Variants in DMC1 observed in about 807,000 individuals in gnomAD.
The protein encoded by DMC1 is meiotic recombination protein DMC1 homolog.
DMC1 carries 27 observed loss-of-function variants against 50.1 expected under a neutral mutation model. The observed-to-expected ratio is 0.54, with a 90% CI of 0.40 to 0.74. The LOEUF is 0.74. Among genes scored for constraint, DMC1 ranks in the 30% least tolerant of loss-of-function variants. DMC1 has a pLI of 0.00. For missense variants in DMC1, 295 were observed against 420.2 expected (o/e 0.70, Z 2.60); for synonymous variants, 148 against 136.1 (o/e 1.09, Z -0.61).
chr22:38,545,434 T>G (rs556762319), intron 8 of DMC1, among the ~76,000 whole-genome samples: 3 of 152,232 alleles, frequency 2.0e-5, no homozygotes, highest in African/African-American at 7.2e-5. Context: ...AACAATTTTT[T>G]TTTTTTGAGA....
intron 12 of DMC1, among the ~76,000 whole-genome samples, chr22:38,535,980 G>A (rs554040790): frequency 6.6e-6 from 1 of 151,642 alleles, no homozygotes; most frequent in Non-Finnish European, 1.5e-5. Flanking sequence ...TAGCACTTTG[G>A]GATGCTGAGG....
intron 8 of DMC1, 73 bp from the exon 9 acceptor site, chr22:38,539,485 T>C (rs553907525): frequency 3.5e-6 from 4 of 1,140,590 alleles, no homozygotes; most frequent in African/African-American, 1.5e-5. Context: ...CAAAACATAA[T>C]ATCTTCCGTA....
chr22:38,532,984 T>C (rs1453291619), intron 12 of DMC1, among the ~76,000 whole-genome samples: 1 of 152,180 alleles, frequency 6.6e-6, no homozygotes, highest in Non-Finnish European at 1.5e-5. Flanking sequence ...TCAATAAATA[T>C]TCATTGAGTG....
chr22:38,533,794 A>T (rs957710329), intron 12 of DMC1, among the ~76,000 whole-genome samples: 7 of 152,200 alleles, frequency 4.6e-5, no homozygotes, highest in African/African-American at 1.7e-4. Context: ...ATAAAAGAGA[A>T]TTTTTGTAAT....
In DMC1 at chr22:38,562,204, T is replaced by TA. The variant is rs2090534663; in HGVS notation, c.326+82dup. 10 of 926,332 alleles carry TA rather than the reference T, an allele frequency of 1.1e-5. 1 individual carries two copies. In the South Asian group the frequency reaches 1.4e-4, roughly 13 times the overall value. 57.4% of individuals were successfully genotyped at this position (926,332 alleles called of 1,614,324 possible). A position where few individuals can be genotyped will look rare whatever the true frequency, so the allele number is the denominator to read the frequency against. ...ATGAAGAAGCTACTTCTACTACTTATAGTAGAAGTAACCAGAAAGAGGAAA... is the reference window on the plus strand; with the variant it reads ...ATGAAGAAGCTACTTCTACTACTTATAAGTAGAAGTAACCAGAAAGAGGAAA... On this transcript the variant is annotated intron_variant, in intron 5 of 13. Transcript: ENST00000216024.
intron 6 of DMC1, among the ~76,000 whole-genome samples, chr22:38,554,282 C>G (rs1349570093): frequency 1.3e-5 from 2 of 152,072 alleles, no homozygotes; most frequent in African/African-American, 4.8e-5. Context: ...CAAATTCGTT[C>G]TGGAGGAAAA....
intron 6 of DMC1, among the ~76,000 whole-genome samples, chr22:38,553,542 G>A (rs2090436807): frequency 6.6e-6 from 1 of 151,254 alleles, no homozygotes; most frequent in Admixed American, 6.6e-5. Context: ...TACCACCTGG[G>A]GTAAAGTGCG....
chr22:38,568,022 C>T (rs2090598321), intron 2 of DMC1, among the ~76,000 whole-genome samples, 184 bp downstream of exon 2: 1 of 152,212 alleles, frequency 6.6e-6, no homozygotes, highest in South Asian at 2.1e-4. Flanking sequence ...CATTAAAATA[C>T]TTTCATACCA....
intron 2 of DMC1, 82 bp downstream of exon 2, chr22:38,568,123 TA>T: frequency 8.0e-7 from 1 of 1,248,450 alleles, no homozygotes; most frequent in Non-Finnish European, 1.2e-6. Context: ...TTTCAGCTTC[TA>T]AAAATAGTAG....
At chr22:38,549,542 T>C in intron 8 of DMC1, 1 of 182,250 alleles carries the variant, frequency 5.5e-6, no homozygotes, top group Non-Finnish European at 1.2e-5. Context: ...GAGAATTGAT[T>C]GAACCCAAGA....
At chr22:38,528,356 G>A (rs185423562) in intron 12 of DMC1, among the ~76,000 whole-genome samples, 7 of 151,944 alleles carry the variant, frequency 4.6e-5, no homozygotes, top group Admixed American at 1.3e-4. Flanking sequence ...GAGCCACTGC[G>A]CCTGGCCTGA....
chr22:38,559,171 A>G (rs769111260), intron 5 of DMC1, among the ~76,000 whole-genome samples: 1 of 152,130 alleles, frequency 6.6e-6, no homozygotes, highest in Admixed American at 6.5e-5. Context: ...CTGTGACCAC[A>G]GGCACATGCC....
intron 12 of DMC1, 24 bp from the exon 13 acceptor site, chr22:38,521,748 A>C: frequency 6.6e-7 from 1 of 1,514,806 alleles, no homozygotes; most frequent in Non-Finnish European, 9.2e-7. Flanking sequence ...ATACTCTTTC[A>C]GGTTTCATCA....
At chr22:38,537,960 T>C (rs1409625259) in intron 11 of DMC1, among the ~76,000 whole-genome samples, 1 of 152,026 alleles carries the variant, frequency 6.6e-6, no homozygotes, top group Non-Finnish European at 1.5e-5. Context: ...CTGGCCAACA[T>C]GGTGAAACCC....
In DMC1 at chr22:38,562,283, A is replaced by G. The variant is rs1569170399; in HGVS notation, c.326+4T>C. On this transcript the variant is annotated splice_donor_region_variant and intron_variant, in intron 5 of 13. Transcript: ENST00000216024. Reference sequence around the variant, plus strand: ...TAGTGATTATAAAAAAGTAAGATACATACTCAAATTCCTGGCTCCCGGTGG... The same window carrying G: ...TAGTGATTATAAAAAAGTAAGATACGTACTCAAATTCCTGGCTCCCGGTGG... 6.3e-7 allele frequency: 1 copy of G among 1,587,764 alleles called. No homozygotes were observed. The highest frequency in any genetic ancestry group is 1.7e-5 in the Admixed American group (1 of 59,982).
intron 4 of DMC1, 131 bp downstream of exon 4, chr22:38,566,459 C>T: frequency 1.0e-6 from 1 of 960,636 alleles, no homozygotes; most frequent in East Asian, 2.6e-5. Context: ...AAAAAGTTAA[C>T]ATGGGGAGTA....
chr22:38,510,518 G>C, the DMC1 span, among the ~76,000 whole-genome samples: 1 of 152,144 alleles, frequency 6.6e-6, no homozygotes, highest in Non-Finnish European at 1.5e-5. Flanking sequence ...AATGTGGAGA[G>C]AGAAGTCTCA....
chr22:38,538,199 A>G, intron 11 of DMC1, 96 bp downstream of exon 11: 1 of 1,008,460 alleles, frequency 9.9e-7, no homozygotes, highest in Non-Finnish European at 1.5e-6. Flanking sequence ...TTTATTTAAA[A>G]AAAAATCGCT....
At chr22:38,520,170 C>A (rs1353160181) in intron 13 of DMC1, 81 bp from the exon 14 acceptor site, 1 of 1,189,558 alleles carries the variant, frequency 8.4e-7, no homozygotes, top group South Asian at 1.2e-5. Context: ...GCATTATGTG[C>A]CCATCAGTCT....
Sources: gnomAD v4.1 joint callset for allele counts (sites outside exome capture counted in the v4.1 genomes callset) on GRCh38, gnomAD v4.1.1 for gene constraint, MANE v1.5 for transcripts, NCBI Gene and HGNC (gene_info 2026-07-23, HGNC 2026-07-21) for gene names.